ETV1: variants seen among roughly 807,000 people sequenced by gnomAD.
ETV1 encodes the protein ETS translocation variant 1.
ETV1 carries 27 observed loss-of-function variants against 62.3 expected under a neutral mutation model. The observed-to-expected ratio is 0.43, with a 90% CI of 0.32 to 0.60. The LOEUF is 0.60. ETV1 is among the 20% of genes least tolerant of loss of function. ETV1 has a pLI of 0.06. For missense variants in ETV1, 605 were observed against 605.8 expected (o/e 1.00, Z 0.01); for synonymous variants, 222 against 199.6 (o/e 1.11, Z -0.94).
chr7:13,896,932 A>C (rs1429382605), intron 13 of ETV1, among the ~76,000 whole-genome samples: 1 of 152,152 alleles, frequency 6.6e-6, no homozygotes, highest in Non-Finnish European at 1.5e-5. Context: ...AGGTGTAAAA[A>C]AGTGAAAGGA....
At chr7:13,972,741 C>A (rs1306887549) in intron 6 of ETV1, among the ~76,000 whole-genome samples, 1 of 152,122 alleles carries the variant, frequency 6.6e-6, no homozygotes, top group Non-Finnish European at 1.5e-5. Context: ...GATTTCCTGG[C>A]ATGCACTTGT....
chr7:13,982,161 A>C (rs1392099535), intron 5 of ETV1, among the ~76,000 whole-genome samples: 1 of 152,092 alleles, frequency 6.6e-6, no homozygotes, highest in Non-Finnish European at 1.5e-5. Flanking sequence ...TTCCTAACTA[A>C]AACTGACCTG....
chr7:13,944,208 G>A (rs1403096503), intron 6 of ETV1, among the ~76,000 whole-genome samples: 2 of 152,196 alleles, frequency 1.3e-5, no homozygotes, highest in East Asian at 3.9e-4. Flanking sequence ...GAAAGGGCAT[G>A]TCTTAGTCTG....
chr7:13,920,782 T>G (rs77657923), intron 9 of ETV1, among the ~76,000 whole-genome samples: 1 of 152,160 alleles, frequency 6.6e-6, no homozygotes, highest in Non-Finnish European at 1.5e-5. Flanking sequence ...AAAACTGATA[T>G]AGTGGGCCAG....
rs114845448 is a variant in ETV1 at position 13,910,579 on chromosome 7, G to A, written c.871+660C>T. On this transcript the variant is annotated intron_variant, in intron 10 of 13. Coordinates refer to ENST00000430479, the MANE Select transcript of ETV1 (RefSeq NM_004956.5). ...AATATTAGACCTAGCCTAAAAGAAT[G>A]CATCCAAGTCAATCCTATTAAAGAG... 1,059 of 314,124 alleles carry A rather than the reference G, an allele frequency of 3.4e-3. 8 individuals carry two copies. Among genetic ancestry groups the A allele is most frequent in the African/African-American group, 0.023 (1,009 of 44,542 alleles). The allele number at this position is 314,124 out of a possible 1,614,324, so 19.5% of individuals were successfully genotyped here. A position where few individuals can be genotyped will look rare whatever the true frequency, so the allele number is the denominator to read the frequency against.
intron 6 of ETV1, among the ~76,000 whole-genome samples, chr7:13,958,174 T>C (rs989013585): frequency 6.6e-6 from 1 of 152,256 alleles, no homozygotes; most frequent in East Asian, 1.9e-4. Flanking sequence ...AGTGTGCCTA[T>C]ATACTAAAAT....
chr7:13,896,429 T>C (rs1456440518), intron 13 of ETV1, among the ~76,000 whole-genome samples: 1 of 152,198 alleles, frequency 6.6e-6, no homozygotes, highest in East Asian at 1.9e-4. Context: ...AGGCATTTCA[T>C]ATTGAAAGCT....
At chr7:13,987,024 T>A in intron 4 of ETV1, 1 of 219,342 alleles carries the variant, frequency 4.6e-6, no homozygotes, top group Admixed American at 5.8e-5. Flanking sequence ...GAAATCTTCC[T>A]TAAATATATT....
intron 9 of ETV1, among the ~76,000 whole-genome samples, chr7:13,924,744 T>C (rs1278726472): frequency 6.6e-6 from 1 of 152,236 alleles, no homozygotes; most frequent in Non-Finnish European, 1.5e-5. Flanking sequence ...CTTCACAATA[T>C]ATCTGTAACT....
intron 8 of ETV1, among the ~76,000 whole-genome samples, chr7:13,934,066 T>C (rs1483635740): frequency 6.6e-6 from 1 of 152,186 alleles, no homozygotes; most frequent in Non-Finnish European, 1.5e-5. Context: ...AAAATAAAAC[T>C]TGGTTTGTTC....
At chr7:13,980,190 C>G (rs74626438) in intron 5 of ETV1, among the ~76,000 whole-genome samples, 2,958 of 152,204 alleles carry the variant, frequency 0.019, 88 homozygotes, top group African/African-American at 0.068. Flanking sequence ...ATAGACCAAA[C>G]GAAGCAGCAT....
chr7:13,947,402 A>AC lies in ETV1; in HGVS notation c.236-8157_236-8156insG, dbSNP rs1322020039. On this transcript the variant is annotated intron_variant, in intron 6 of 13. Coordinates refer to ENST00000430479, the MANE Select transcript of ETV1 (RefSeq NM_004956.5). ...AAAACACTAACTATACAAAAAAAAA[A>AC]AAAAAACAAACTCAAACACACATAA... Among the ~76,000 whole-genome samples the AC allele has an allele frequency of 5.9e-5, 9 of 151,910 alleles. No homozygotes were observed. The South Asian group carries it at 1.0e-3, about 17-fold the overall frequency.
intron 13 of ETV1, among the ~76,000 whole-genome samples, chr7:13,896,731 AAAAG>A (rs1232546038): frequency 2.5e-5 from 1 of 39,260 alleles, no homozygotes; most frequent in South Asian, 8.6e-4. Context: ...AAGAAAAAGA[AAAAG>A]AAAGAAAGGA....
intron 6 of ETV1, among the ~76,000 whole-genome samples, chr7:13,945,995 C>T (rs752001871): frequency 6.6e-6 from 1 of 152,208 alleles, no homozygotes; most frequent in Non-Finnish European, 1.5e-5. Flanking sequence ...ATTTCTCTTA[C>T]AGTACCATCC....
At chr7:13,919,991 T>C (rs949525161) in intron 9 of ETV1, among the ~76,000 whole-genome samples, 4 of 152,144 alleles carry the variant, frequency 2.6e-5, no homozygotes, top group African/African-American at 9.7e-5. Context: ...AGTTGTATGT[T>C]CACTTTACCC....
rs1387128719 is a variant in ETV1 at position 13,892,831 on chromosome 7, A to T, written c.*3035T>A. 4.3e-6 allele frequency: 1 copy of T among 232,490 alleles called. No homozygotes were observed. The highest frequency in any genetic ancestry group is 8.5e-6 in the Non-Finnish European group (1 of 117,574). 14.4% of individuals were successfully genotyped at this position (232,490 alleles called of 1,614,324 possible). On this transcript the variant is annotated 3_prime_UTR_variant, in exon 14 of 14. Coordinates refer to ENST00000430479, the MANE Select transcript of ETV1 (RefSeq NM_004956.5). Reference sequence around the variant, plus strand: ...GACTCTAGAAGTGAAAGCTGGAAGAATCTCCCCTGGAGCCTCCAGAAGGAA... The same window carrying T: ...GACTCTAGAAGTGAAAGCTGGAAGATTCTCCCCTGGAGCCTCCAGAAGGAA...
At chr7:13,969,542 C>T (rs546060861) in intron 6 of ETV1, among the ~76,000 whole-genome samples, 1 of 152,262 alleles carries the variant, frequency 6.6e-6, no homozygotes, top group South Asian at 2.1e-4. Context: ...TCTAACCTTG[C>T]ACTCCACGAA....
At position 13,892,111 on chromosome 7, in the gene ETV1, A is replaced by T. The variant is rs77729573; in HGVS notation, c.*3755T>A. 7.3e-4 allele frequency: 169 copies of T among 232,424 alleles called. 1 individual carries two copies. The highest frequency in any genetic ancestry group is 3.5e-3 in the African/African-American group (160 of 45,452). 14.4% of individuals were successfully genotyped at this position (232,424 alleles called of 1,614,324 possible). On this transcript the variant is annotated 3_prime_UTR_variant, in exon 14 of 14. Coordinates refer to ENST00000430479, the MANE Select transcript of ETV1 (RefSeq NM_004956.5). ...CTTTTGAGTAATAGACATATTTTAC[A>T]CATTGTTCTTACCTAATAAGTAATA...
Position 13,891,601 on chromosome 7 carries a change from T to C in ETV1, c.*4265A>G, listed in dbSNP as rs938017255. On this transcript the variant is annotated 3_prime_UTR_variant, in exon 14 of 14. Transcript: ENST00000430479. ...TTTTTTTTAAGTATGTCAAAGTGAG[T>C]CTCATGTATATAAAAAAAGAAGTCC... is the stretch of plus-strand genomic sequence containing the variant. The C allele has an allele frequency of 1.7e-5, 4 of 231,584 alleles. No homozygotes were observed. Among genetic ancestry groups the C allele is most frequent in the Non-Finnish European group, 2.6e-5 (3 of 117,266 alleles). The allele number at this position is 231,584 out of a possible 1,614,324, so 14.3% of individuals were successfully genotyped here. A position where few individuals can be genotyped will look rare whatever the true frequency, so the allele number is the denominator to read the frequency against.
Sources: allele counts gnomAD v4.1 joint callset (sites outside exome capture counted in the v4.1 genomes callset), GRCh38; gene constraint gnomAD v4.1.1; transcripts MANE v1.5; gene names NCBI Gene and HGNC (gene_info 2026-07-23, HGNC 2026-07-21).